CSMD1: variants seen among roughly 807,000 people sequenced by gnomAD.
CSMD1 encodes CUB and Sushi multiple domains 1.
Under a neutral mutation model 417.5 loss-of-function variants are expected in CSMD1, and 213 were observed. The ratio of observed to expected loss-of-function variants is 0.51; its 90% CI spans 0.46 to 0.57. The LOEUF (loss-of-function observed/expected upper bound fraction) is 0.57. CSMD1 is among the 20% of genes least tolerant of loss of function. CSMD1 has a pLI of 0.00. For missense variants in CSMD1, 6,923 were observed against 4,529.7 expected (o/e 1.53, Z -15.17); for synonymous variants, 2,862 against 1,736.8 (o/e 1.65, Z -16.11).
intron 1 of CSMD1, among the ~76,000 whole-genome samples, chr8:4,709,655 C>T (rs1298648806): frequency 6.6e-6 from 1 of 152,162 alleles, no homozygotes; most frequent in Non-Finnish European, 1.5e-5. Flanking sequence ...TGGGGGTCTT[C>T]AGCAAAGATG....
intron 49 of CSMD1, among the ~76,000 whole-genome samples, chr8:3,071,184 G>C (rs1813301244): frequency 6.6e-6 from 1 of 152,154 alleles, no homozygotes; most frequent in Admixed American, 6.5e-5. Context: ...CCCACCTCCA[G>C]CATTGGGCAT....
At chr8:4,807,816 ATAATAT>A (rs1384459866) in intron 1 of CSMD1, among the ~76,000 whole-genome samples, 1 of 152,180 alleles carries the variant, frequency 6.6e-6, no homozygotes, top group Non-Finnish European at 1.5e-5. Flanking sequence ...GAAGCCAGCC[ATAATAT>A]TAATAATAAT....
At chr8:4,010,799 C>A (rs929280101) in intron 4 of CSMD1, among the ~76,000 whole-genome samples, 1 of 152,194 alleles carries the variant, frequency 6.6e-6, no homozygotes, top group Non-Finnish European at 1.5e-5. Context: ...CTGCCATCAT[C>A]ACAGTAAAAC....
At chr8:3,438,550 G>C (rs970654647) in intron 12 of CSMD1, among the ~76,000 whole-genome samples, 1 of 152,190 alleles carries the variant, frequency 6.6e-6, no homozygotes, top group African/African-American at 2.4e-5. Flanking sequence ...TCTCTGGAGA[G>C]TCATCAAGTT....
intron 65 of CSMD1, 75 bp from the exon 66 acceptor site, chr8:2,951,350 G>T: frequency 7.1e-7 from 1 of 1,417,740 alleles, no homozygotes; most frequent in Non-Finnish European, 9.5e-7. Context: ...AAACACAGAA[G>T]GCATCATACT....
intron 5 of CSMD1, among the ~76,000 whole-genome samples, chr8:3,931,638 G>A (rs757929222): frequency 4.7e-5 from 7 of 149,588 alleles, no homozygotes; most frequent in African/African-American, 9.9e-5. Flanking sequence ...AAGTGCCTCA[G>A]GATGTCTTTT....
At chr8:4,825,240 G>A (rs1005797034) in intron 1 of CSMD1, among the ~76,000 whole-genome samples, 3 of 151,972 alleles carry the variant, frequency 2.0e-5, no homozygotes, top group Non-Finnish European at 4.4e-5. Context: ...CATACTTGGA[G>A]GCATTTGAAA....
chr8:3,021,512 G>A (rs1173788876), intron 51 of CSMD1, among the ~76,000 whole-genome samples: 1 of 152,134 alleles, frequency 6.6e-6, no homozygotes, highest in African/African-American at 2.4e-5. Context: ...AATTGCTTAC[G>A]TTTGCCTTTT....
At chr8:4,349,963 G>A (rs1800994990) in intron 3 of CSMD1, among the ~76,000 whole-genome samples, 1 of 151,902 alleles carries the variant, frequency 6.6e-6, no homozygotes, top group South Asian at 2.1e-4. Context: ...AATGTATGCT[G>A]TAGACTTAAG....
intron 3 of CSMD1, among the ~76,000 whole-genome samples, chr8:4,296,637 A>G (rs1797699867): frequency 6.7e-6 from 1 of 149,968 alleles, no homozygotes; most frequent in East Asian, 2.0e-4. Flanking sequence ...GTTAATATTC[A>G]CTATTAACTC....
chr8:3,225,393 T>TG (rs1798438677), intron 27 of CSMD1, among the ~76,000 whole-genome samples: 2 of 146,000 alleles, frequency 1.4e-5, no homozygotes, highest in African/African-American at 5.1e-5. Context: ...CAGTATGACT[T>TG]TTTTTTTTTT....
chr8:4,820,305 C>G (rs552643941), intron 1 of CSMD1, among the ~76,000 whole-genome samples: 2 of 152,260 alleles, frequency 1.3e-5, no homozygotes, highest in African/African-American at 4.8e-5. Context: ...ACAGTTAGTG[C>G]GCCATAGAAG....
chr8:3,408,780 G>A (rs886938543), intron 13 of CSMD1, among the ~76,000 whole-genome samples: 1 of 151,944 alleles, frequency 6.6e-6, no homozygotes, highest in Admixed American at 6.6e-5. Context: ...TTAAGAATGT[G>A]TACTTAAAAT....
chr8:3,768,796 T>G (rs555513449), intron 5 of CSMD1, among the ~76,000 whole-genome samples: 24 of 152,338 alleles, frequency 1.6e-4, no homozygotes, highest in African/African-American at 5.8e-4. Context: ...GTCCTAAGTT[T>G]TGCTGGTAAC....
At chr8:4,684,754 A>T (rs1257274691) in intron 1 of CSMD1, among the ~76,000 whole-genome samples, 2 of 152,246 alleles carry the variant, frequency 1.3e-5, no homozygotes, top group African/African-American at 4.8e-5. Flanking sequence ...ATAAATAATT[A>T]ATCATAAATT....
chr8:3,738,503 T>C (rs1796636540), intron 6 of CSMD1, among the ~76,000 whole-genome samples: 1 of 152,220 alleles, frequency 6.6e-6, no homozygotes, highest in Non-Finnish European at 1.5e-5. Context: ...GTTTTGATCC[T>C]GGTGATCAGA....
chr8:3,419,622 C>T (rs530279900), intron 12 of CSMD1, among the ~76,000 whole-genome samples: 6 of 152,134 alleles, frequency 3.9e-5, no homozygotes, highest in Admixed American at 1.3e-4. Flanking sequence ...TTCGTAACCC[C>T]TTTTATCAAC....
intron 3 of CSMD1, among the ~76,000 whole-genome samples, chr8:4,302,201 A>G (rs960931788): frequency 3.3e-5 from 5 of 152,220 alleles, no homozygotes; most frequent in Admixed American, 3.3e-4. Context: ...AATAAAAAAC[A>G]AAGCTTTAAA....
intron 3 of CSMD1, among the ~76,000 whole-genome samples, chr8:4,103,094 T>C (rs1178524069): frequency 6.6e-6 from 1 of 152,160 alleles, no homozygotes; most frequent in Non-Finnish European, 1.5e-5. Context: ...TCCAGACAGT[T>C]CTATAAAGTG....
Sources: allele counts gnomAD v4.1 joint callset (sites outside exome capture counted in the v4.1 genomes callset), GRCh38; gene constraint gnomAD v4.1.1; transcripts MANE v1.5; gene names NCBI Gene and HGNC (gene_info 2026-07-23, HGNC 2026-07-21).